Variants in MAPK8 observed in about 807,000 individuals in gnomAD.
The protein encoded by MAPK8 is JUN N-terminal kinase.
A neutral mutation model predicts 52.9 loss-of-function variants in MAPK8; 13 were observed. The observed-to-expected ratio is 0.25, with a 90% confidence interval of 0.16 to 0.39. The LOEUF (loss-of-function observed/expected upper bound fraction) is 0.39. MAPK8 is among the 10% of genes least tolerant of loss of function. MAPK8 has a pLI of 1.00. For missense variants in MAPK8, 300 were observed against 519.2 expected (o/e 0.58, Z 4.10); for synonymous variants, 191 against 169.8 (o/e 1.12, Z -0.97).
chr10:48,308,619 ACAGGCACT>A (rs1564460021), intron 1 of MAPK8, among the ~76,000 whole-genome samples: 1 of 152,226 alleles, frequency 6.6e-6, no homozygotes, highest in East Asian at 1.9e-4. Context: ...TAATCCACAC[ACAGGCACT>A]CATAAACTGG....
At chr10:48,420,130 AT>A in intron 5 of MAPK8, 24 bp from the exon 6 acceptor site, 1 of 1,573,228 alleles carries the variant, frequency 6.4e-7, no homozygotes, top group East Asian at 2.2e-5. Flanking sequence ...CATGGCAGTC[AT>A]TTTTTAATTT....
intron 1 of MAPK8, among the ~76,000 whole-genome samples, chr10:48,332,523 CT>C (rs1844256511): frequency 6.6e-6 from 1 of 152,162 alleles, no homozygotes; most frequent in Non-Finnish European, 1.5e-5. Flanking sequence ...TGAGTGACCC[CT>C]ATCCTGTCTA....
At chr10:48,314,499 G>T (rs1043334145) in intron 1 of MAPK8, among the ~76,000 whole-genome samples, 3 of 152,180 alleles carry the variant, frequency 2.0e-5, no homozygotes, top group Non-Finnish European at 2.9e-5. Context: ...AAGCCATGGT[G>T]CAGTGGATTA....
At chr10:48,386,957 A>G (rs2041351671) in intron 1 of MAPK8, among the ~76,000 whole-genome samples, 1 of 152,226 alleles carries the variant, frequency 6.6e-6, no homozygotes, top group Admixed American at 6.5e-5. Flanking sequence ...GTCTGGCGCT[A>G]TTTAGCTAAA....
At chr10:48,380,362 A>C (rs2040924430) in intron 1 of MAPK8, among the ~76,000 whole-genome samples, 1 of 152,230 alleles carries the variant, frequency 6.6e-6, no homozygotes, top group Non-Finnish European at 1.5e-5. Context: ...AAAGCTGAAC[A>C]CTATTTCTTG....
rs1289850073 is a variant in MAPK8 at position 48,437,266 on chromosome 10, A to G, written c.*2237A>G. ...TGCATGCCCTAGGTTTTAAATTACT[A>G]CATCCAAATACAGTTTTCGTCTTAA... On this transcript the variant is annotated 3_prime_UTR_variant, in exon 12 of 12. Coordinates refer to ENST00000374189, the MANE Select transcript of MAPK8 (RefSeq NM_001323329.2). 3 of 152,242 alleles carry G rather than the reference A, an allele frequency of 2.0e-5. No individual in the cohort carries two copies. The highest frequency in any genetic ancestry group is 7.2e-5 in the African/African-American group (3 of 41,460). 9.4% of individuals were successfully genotyped at this position (152,242 alleles called of 1,614,324 possible). A position where few individuals can be genotyped will look rare whatever the true frequency, so the allele number is the denominator to read the frequency against.
intron 1 of MAPK8, among the ~76,000 whole-genome samples, chr10:48,360,374 GTTTT>G (rs1306640123): frequency 6.6e-6 from 1 of 152,062 alleles, no homozygotes; most frequent in African/African-American, 2.4e-5. Context: ...TGGAAAATTG[GTTTT>G]TTTATCACCT....
chr10:48,427,403 T>C (rs1292176990), intron 10 of MAPK8: 2 of 359,864 alleles, frequency 5.6e-6, no homozygotes, highest in Non-Finnish European at 1.1e-5. Flanking sequence ...TACACAAATG[T>C]GTTTAGTGTC....
At chr10:48,407,993 C>T (rs2042559887) in intron 3 of MAPK8, among the ~76,000 whole-genome samples, 1 of 152,302 alleles carries the variant, frequency 6.6e-6, no homozygotes, top group South Asian at 2.1e-4. Flanking sequence ...TCATTTCCCT[C>T]TCTTAAATTT....
At chr10:48,371,345 A>G (rs1848511614) in intron 1 of MAPK8, among the ~76,000 whole-genome samples, 2 of 152,076 alleles carry the variant, frequency 1.3e-5, no homozygotes, top group South Asian at 4.1e-4. Flanking sequence ...GGCCCTTTCA[A>G]GTGCTGTTAA....
At chr10:48,396,769 G>A (rs1229442103) in intron 1 of MAPK8, among the ~76,000 whole-genome samples, 2 of 151,948 alleles carry the variant, frequency 1.3e-5, no homozygotes, top group Non-Finnish European at 2.9e-5. Flanking sequence ...AATCTTAAGG[G>A]CATTATACTG....
chr10:48,347,040 C>T (rs555371320), intron 1 of MAPK8, among the ~76,000 whole-genome samples: 48 of 152,264 alleles, frequency 3.2e-4, no homozygotes, highest in African/African-American at 4.6e-4. Flanking sequence ...AGTGGTCCCC[C>T]GGGCCCAGCT....
At chr10:48,404,212 G>T (rs191848984) in intron 2 of MAPK8, among the ~76,000 whole-genome samples, 3 of 148,882 alleles carry the variant, frequency 2.0e-5, no homozygotes, top group Non-Finnish European at 3.0e-5. Flanking sequence ...GCTGGAGTGC[G>T]GTGGTGCGAT....
At chr10:48,387,905 T>G (rs1176444000) in intron 1 of MAPK8, among the ~76,000 whole-genome samples, 1 of 152,174 alleles carries the variant, frequency 6.6e-6, no homozygotes, top group Non-Finnish European at 1.5e-5. Context: ...GGCTCGAGTC[T>G]AAAGTTAGTG....
chr10:48,422,860 A>G (rs2043445407), intron 6 of MAPK8, among the ~76,000 whole-genome samples: 1 of 152,152 alleles, frequency 6.6e-6, no homozygotes, highest in Non-Finnish European at 1.5e-5. Context: ...AAGACTCTTC[A>G]GTGAACTGGC....
At chr10:48,426,640 A>G (rs1001961038) in intron 9 of MAPK8, 136 bp downstream of exon 9, 71 of 799,956 alleles carry the variant, frequency 8.9e-5, no homozygotes, top group Admixed American at 2.3e-4. Context: ...TTCTTCATGA[A>G]GACTACGTCA....
chr10:48,312,724 C>T (rs180875153), intron 1 of MAPK8, among the ~76,000 whole-genome samples: 129 of 152,274 alleles, frequency 8.5e-4, no homozygotes, highest in Middle Eastern at 3.4e-3. Flanking sequence ...GAGAAAGCGT[C>T]ACTTTTCAGT....
At chr10:48,350,556 C>A (rs1321759908) in intron 1 of MAPK8, among the ~76,000 whole-genome samples, 1 of 152,176 alleles carries the variant, frequency 6.6e-6, no homozygotes, top group African/African-American at 2.4e-5. Flanking sequence ...AGGCCTTTGA[C>A]AAAATTCAAT....
chr10:48,339,000 C>A (rs1301710787), intron 1 of MAPK8, among the ~76,000 whole-genome samples: 2 of 152,066 alleles, frequency 1.3e-5, no homozygotes, highest in Admixed American at 1.3e-4. Flanking sequence ...GTTAAATGAC[C>A]ATACTGCCCA....
Sources: gnomAD v4.1 joint callset for allele counts (sites outside exome capture counted in the v4.1 genomes callset) on GRCh38, gnomAD v4.1.1 for gene constraint, MANE v1.5 for transcripts, NCBI Gene and HGNC (gene_info 2026-07-23, HGNC 2026-07-21) for gene names.